Variants in BCAS4 observed in about 807,000 individuals in gnomAD.
The protein encoded by BCAS4 is breast carcinoma-amplified sequence 4.
Under a neutral mutation model 15.7 loss-of-function variants are expected in BCAS4, and 9 were observed. That is an observed-to-expected ratio of 0.57 (90% CI 0.34 to 1.00). The LOEUF is 1.00. BCAS4 is among the 50% of genes least tolerant of loss of function. The pLI is 0.02. For missense variants in BCAS4, 225 were observed against 239.1 expected, an observed-to-expected ratio of 0.94 and a Z score of 0.39; for synonymous variants, 101 against 99.5, an observed-to-expected ratio of 1.02 and a Z score of -0.09.
chr20:50,823,573 G>C (rs1473411652), intron 2 of BCAS4, among the ~76,000 whole-genome samples: 3 of 152,152 alleles, frequency 2.0e-5, no homozygotes, highest in South Asian at 4.1e-4. Flanking sequence ...TGTAATTCCA[G>C]CTCTCTGAGA....
At chr20:50,798,396 A>T (rs2087891536) in intron 1 of BCAS4, among the ~76,000 whole-genome samples, 1 of 151,284 alleles carries the variant, frequency 6.6e-6, no homozygotes, top group African/African-American at 2.5e-5. Flanking sequence ...TATCTGGGCC[A>T]GGAGCAATGG....
chr20:50,838,983 C>G (rs2088443359), intron 3 of BCAS4, among the ~76,000 whole-genome samples: 1 of 152,064 alleles, frequency 6.6e-6, no homozygotes, highest in African/African-American at 2.4e-5. Flanking sequence ...TTAAAGGAAC[C>G]AAAGGGAAGC....
At chr20:50,862,702 C>G (rs1013051563) in intron 4 of BCAS4, among the ~76,000 whole-genome samples, 27 of 152,094 alleles carry the variant, frequency 1.8e-4, no homozygotes, top group African/African-American at 6.5e-4. Flanking sequence ...TTCAGCTGCA[C>G]TTGGGCTGTG....
intron 4 of BCAS4, among the ~76,000 whole-genome samples, chr20:50,862,150 C>T (rs190218889): frequency 1.3e-5 from 2 of 152,032 alleles, no homozygotes; most frequent in Admixed American, 6.6e-5. Flanking sequence ...ATTCTTTCCT[C>T]CTTATCCCTC....
intron 4 of BCAS4, among the ~76,000 whole-genome samples, chr20:50,870,871 G>T (rs186141436): frequency 6.6e-6 from 1 of 152,252 alleles, no homozygotes; most frequent in African/African-American, 2.4e-5. Context: ...AGCACTCCCT[G>T]TGGCAGAGGC....
chr20:50,867,503 T>C (rs1053951427), intron 4 of BCAS4, among the ~76,000 whole-genome samples: 5 of 152,054 alleles, frequency 3.3e-5, no homozygotes, highest in African/African-American at 1.2e-4. Flanking sequence ...CATGCCACCA[T>C]GCCCAGCTAA....
intron 4 of BCAS4, among the ~76,000 whole-genome samples, chr20:50,842,851 G>A (rs970314330): frequency 6.6e-6 from 1 of 152,224 alleles, no homozygotes; most frequent in African/African-American, 2.4e-5. Context: ...ACCTAGCGGG[G>A]CCTCTTGTGG....
chr20:50,807,339 T>C (rs150165056), intron 1 of BCAS4, among the ~76,000 whole-genome samples: 62 of 151,924 alleles, frequency 4.1e-4, no homozygotes, highest in African/African-American at 1.4e-3. Flanking sequence ...ACTACAGGCA[T>C]GTGCCACCAT....
At chr20:50,868,987 G>A (rs996091065) in intron 4 of BCAS4, among the ~76,000 whole-genome samples, 11 of 152,214 alleles carry the variant, frequency 7.2e-5, no homozygotes, top group Admixed American at 1.3e-4. Flanking sequence ...TCTGCCATCC[G>A]TAGCATGTGG....
chr20:50,830,385 G>C lies in BCAS4; in HGVS notation c.264+5G>C, dbSNP rs532102950. On this transcript the variant is annotated splice_donor_5th_base_variant and intron_variant, in intron 3 of 4. Transcript: ENST00000371608. ...GCCAAAGTGGACCGGCTAGAGGTAC[G>C]TCTAGGCAAACGAAGGTTCTGAGGC... is the stretch of plus-strand genomic sequence containing the variant. The C allele has an allele frequency of 6.2e-7, 1 of 1,608,754 alleles. No individual in the cohort carries two copies. The highest frequency in any genetic ancestry group is 8.5e-7 in the Non-Finnish European group (1 of 1,177,622).
intron 4 of BCAS4, among the ~76,000 whole-genome samples, chr20:50,855,004 C>G (rs1282174398): frequency 1.3e-5 from 2 of 152,214 alleles, no homozygotes; most frequent in Non-Finnish European, 2.9e-5. Context: ...TCAGGGGTGG[C>G]CGGGTTCGTG....
At chr20:50,811,012 G>A (rs2088055630) in intron 1 of BCAS4, among the ~76,000 whole-genome samples, 2 of 152,176 alleles carry the variant, frequency 1.3e-5, no homozygotes, top group African/African-American at 2.4e-5. Context: ...AAATATTTGA[G>A]CAAAAGCTAG....
chr20:50,870,158 A>G (rs1402977539), intron 4 of BCAS4, among the ~76,000 whole-genome samples: 1 of 152,132 alleles, frequency 6.6e-6, no homozygotes, highest in Non-Finnish European at 1.5e-5. Context: ...TGTGACAGAG[A>G]CTGTGTGGTT....
chr20:50,815,998 G>A (rs558021049), intron 1 of BCAS4, among the ~76,000 whole-genome samples: 3 of 152,262 alleles, frequency 2.0e-5, no homozygotes, highest in Non-Finnish European at 4.4e-5. Flanking sequence ...AAAAGTAGTA[G>A]ATAACTTGAG....
At chr20:50,796,473 ATATATATATATATATTT>A (rs2087860825) in intron 1 of BCAS4, among the ~76,000 whole-genome samples, 1 of 11,970 alleles carries the variant, frequency 8.4e-5, no homozygotes, top group African/African-American at 3.5e-4. Context: ...ATATATATAT[ATATATATATATATATTT>A]TTTTTTTTTT....
intron 4 of BCAS4, among the ~76,000 whole-genome samples, chr20:50,864,210 G>A (rs113175947): frequency 1.4e-4 from 22 of 152,328 alleles, no homozygotes; most frequent in Admixed American, 2.6e-4. Flanking sequence ...ATAGCAGAGC[G>A]GTAGCCCACG....
At chr20:50,867,711 C>T (rs1168361126) in intron 4 of BCAS4, among the ~76,000 whole-genome samples, 13 of 152,272 alleles carry the variant, frequency 8.5e-5, no homozygotes, top group African/African-American at 1.7e-4. Flanking sequence ...GTCAGGAGTT[C>T]GAGATCAGCC....
At chr20:50,822,795 T>G (rs1195912399) in intron 2 of BCAS4, among the ~76,000 whole-genome samples, 2 of 151,678 alleles carry the variant, frequency 1.3e-5, no homozygotes, top group Non-Finnish European at 2.9e-5. Flanking sequence ...CCTGGCTAAT[T>G]TTTGTATTTT....
intron 4 of BCAS4, among the ~76,000 whole-genome samples, chr20:50,856,724 G>C (rs1423865713): frequency 6.6e-6 from 1 of 152,198 alleles, no homozygotes; most frequent in Non-Finnish European, 1.5e-5. Flanking sequence ...GAGACATGGG[G>C]GCGCTGCTTG....
Sources: gnomAD v4.1 joint callset for allele counts (sites outside exome capture counted in the v4.1 genomes callset) on GRCh38, gnomAD v4.1.1 for gene constraint, MANE v1.5 for transcripts, NCBI Gene and HGNC (gene_info 2026-07-23, HGNC 2026-07-21) for gene names.